The following SIPA1L1 variants were observed in gnomAD, a reference collection of about 807,000 sequenced individuals.
The protein encoded by SIPA1L1 is signal-induced proliferation-associated 1-like protein 1.
A neutral mutation model predicts 162.7 loss-of-function variants in SIPA1L1; 26 were observed. The observed-to-expected ratio is 0.16, with a 90% CI of 0.12 to 0.22. SIPA1L1 has a LOEUF of 0.22. SIPA1L1 is among the 10% of genes least tolerant of loss of function. The pLI is 1.00. For synonymous variants in SIPA1L1, 829 were observed against 837.4 expected (o/e 0.99, Z 0.17); for missense variants, 1,874 against 2,241.0 (o/e 0.84, Z 3.31).
At chr14:71,688,674 T>G (rs1046562190) in intron 13 of SIPA1L1, among the ~76,000 whole-genome samples, 10 of 152,196 alleles carry the variant, frequency 6.6e-5, no homozygotes, top group Admixed American at 2.0e-4. Context: ...CTCCCCTGCA[T>G]ACCAGCGCCG....
intron 2 of SIPA1L1, among the ~76,000 whole-genome samples, chr14:71,388,176 T>G (rs576789869): frequency 1.3e-5 from 2 of 152,350 alleles, no homozygotes; most frequent in East Asian, 3.9e-4. Flanking sequence ...CAGTAGATAC[T>G]GCAAAATACT....
chr14:71,706,583 A>G (rs1042063512), intron 16 of SIPA1L1, among the ~76,000 whole-genome samples: 16 of 152,228 alleles, frequency 1.1e-4, no homozygotes, highest in African/African-American at 3.4e-4. Context: ...CAGATTTCAC[A>G]GCACAGGTCT....
intron 5 of SIPA1L1, among the ~76,000 whole-genome samples, chr14:71,616,906 G>T (rs1477223129): frequency 1.3e-5 from 2 of 152,148 alleles, no homozygotes; most frequent in African/African-American, 2.4e-5. Flanking sequence ...GCAGAGAACT[G>T]CCATGCCACC....
rs555809872 is a variant in SIPA1L1 at position 71,377,376 on chromosome 14, C to T, written c.-465+56195C>T. 1.5e-3 allele frequency among the ~76,000 whole-genome samples: 215 copies of T among 148,134 alleles called. No individual in the cohort carries two copies. Among genetic ancestry groups the T allele is most frequent in the African/African-American group, 4.7e-3 (190 of 40,082 alleles). ...GCGGAGGCACTCCTCAGTTCCCAGA[C>T]GGGGTCGCGGCCGGGCAGAGGCACT... On this transcript the variant is annotated intron_variant, in intron 2 of 23. Transcript: ENST00000381232. The surrounding 1 kb of genome is among the most constrained non-coding windows in gnomAD (Gnocchi z 4.8).
chr14:71,356,585 A>AAAAAAAAAAAAAAAAAC (rs1316274254), intron 2 of SIPA1L1, among the ~76,000 whole-genome samples: 2 of 147,018 alleles, frequency 1.4e-5, no homozygotes, highest in African/African-American at 2.5e-5. Flanking sequence ...AAAAAAAAAA[A>AAAAAAAAAAAAAAAAAC]AAGCACACCT....
intron 10 of SIPA1L1, among the ~76,000 whole-genome samples, chr14:71,662,723 G>A (rs143871946): frequency 1.6e-4 from 24 of 152,324 alleles, no homozygotes; most frequent in Admixed American, 2.6e-4. Flanking sequence ...GACCAGGGAG[G>A]TCTGTAGTTT....
chr14:71,726,133 T>C (rs758461294), intron 19 of SIPA1L1, among the ~76,000 whole-genome samples: 4 of 152,214 alleles, frequency 2.6e-5, no homozygotes, highest in Admixed American at 6.5e-5. Context: ...AGGACCACTT[T>C]AGAGTTTTGT....
intron 2 of SIPA1L1, among the ~76,000 whole-genome samples, chr14:71,346,798 A>G (rs1462647113): frequency 2.0e-5 from 3 of 152,194 alleles, no homozygotes; most frequent in Non-Finnish European, 4.4e-5. Context: ...ACAATTTTAG[A>G]ACATTTTCAT....
chr14:71,381,323 A>G (rs564571087), intron 2 of SIPA1L1, among the ~76,000 whole-genome samples: 1 of 152,134 alleles, frequency 6.6e-6, no homozygotes, highest in Non-Finnish European at 1.5e-5. Context: ...AAGTGCTGGG[A>G]TTACAGGCAT....
chr14:71,604,172 A>G (rs907336292), intron 5 of SIPA1L1, among the ~76,000 whole-genome samples: 2 of 150,674 alleles, frequency 1.3e-5, no homozygotes, highest in Non-Finnish European at 3.0e-5. Context: ...TCACTTTTAT[A>G]TTTTTTTATA....
At chr14:71,473,069 A>G (rs1567070978) in intron 2 of SIPA1L1, among the ~76,000 whole-genome samples, 1 of 152,100 alleles carries the variant, frequency 6.6e-6, no homozygotes, top group African/African-American at 2.4e-5. Context: ...ATATTATAAT[A>G]ATGGATAACA....
chr14:71,567,046 C>G (rs2030779118), intron 4 of SIPA1L1, among the ~76,000 whole-genome samples: 1 of 152,130 alleles, frequency 6.6e-6, no homozygotes, highest in Admixed American at 6.5e-5. Context: ...TTAAAATTCT[C>G]TAATTATCAG....
intron 2 of SIPA1L1, among the ~76,000 whole-genome samples, chr14:71,499,835 GT>G (rs2050065703): frequency 6.6e-6 from 1 of 152,122 alleles, no homozygotes; most frequent in South Asian, 2.1e-4. Context: ...GTGCAAAATT[GT>G]TTGAATGAGA....
At chr14:71,470,709 C>T (rs2047383146) in intron 2 of SIPA1L1, among the ~76,000 whole-genome samples, 1 of 151,970 alleles carries the variant, frequency 6.6e-6, no homozygotes, top group Non-Finnish European at 1.5e-5. Flanking sequence ...AGTGTTGGGG[C>T]AGTAGTCTGT....
At chr14:71,575,612 G>C (rs991416386) in intron 4 of SIPA1L1, among the ~76,000 whole-genome samples, 3 of 152,164 alleles carry the variant, frequency 2.0e-5, no homozygotes. Context: ...CTTTAATGCT[G>C]TATTAACCAC....
At chr14:71,495,003 A>G (rs1375225889) in intron 2 of SIPA1L1, among the ~76,000 whole-genome samples, 1 of 152,172 alleles carries the variant, frequency 6.6e-6, no homozygotes, top group Non-Finnish European at 1.5e-5. Context: ...AAGTGCTGGA[A>G]TTACAGGTGG....
chr14:71,738,999 A>G lies in SIPA1L1; in HGVS notation c.5209-19A>G, dbSNP rs947284519. 1 of 1,610,618 alleles carries G rather than the reference A, an allele frequency of 6.2e-7. No individual in the cohort carries two copies. Among genetic ancestry groups the G allele is most frequent in the South Asian group, 1.1e-5 (1 of 90,622 alleles). On this transcript the variant is annotated intron_variant, in intron 23 of 23. Coordinates refer to ENST00000381232, the MANE Select transcript of SIPA1L1 (RefSeq NM_001386936.1). ...GGGGCCAACACCTCTTAGCTTTTCT[A>G]CTTCACTCTGCCTCCCAGGAAAAAG...
At chr14:71,551,534 C>T (rs1240906535) in intron 4 of SIPA1L1, among the ~76,000 whole-genome samples, 1 of 152,208 alleles carries the variant, frequency 6.6e-6, no homozygotes, top group Non-Finnish European at 1.5e-5. Context: ...CTAGTTGGCT[C>T]TACTACCAAA....
intron 4 of SIPA1L1, among the ~76,000 whole-genome samples, chr14:71,578,499 T>C (rs1028707745): frequency 3.3e-5 from 5 of 152,220 alleles, no homozygotes; most frequent in Non-Finnish European, 5.9e-5. Context: ...AGTATAACTT[T>C]TGATTCCTCC....
Sources: gnomAD v4.1 joint callset for allele counts (sites outside exome capture counted in the v4.1 genomes callset) on GRCh38, gnomAD v4.1.1 for gene constraint, Gnocchi (gnomAD v3.1) non-coding constraint, MANE v1.5 for transcripts, NCBI Gene and HGNC (gene_info 2026-07-23, HGNC 2026-07-21) for gene names.